Variants in S100B observed in about 807,000 individuals in gnomAD.
The protein encoded by S100B is protein S100-B.
In S100B, 6 loss-of-function variants were observed where a neutral mutation model predicts 7.7. That is an observed-to-expected ratio of 0.78 (90% CI 0.43 to 1.54). The LOEUF (loss-of-function observed/expected upper bound fraction) is 1.54, where lower values mean the gene tolerates loss of function less well. Ranked by LOEUF, S100B falls within the 40% of genes most tolerant of loss-of-function variation. S100B has a pLI of 0.01. For synonymous variants in S100B, 36 were observed against 40.4 expected, an observed-to-expected ratio of 0.89 and a Z score of 0.41; for missense variants, 99 against 111.8, an observed-to-expected ratio of 0.89 and a Z score of 0.52.
chr21:46,603,325 G>A (rs2148944717), intron 1 of S100B, among the ~76,000 whole-genome samples: 1 of 141,572 alleles, frequency 7.1e-6, no homozygotes, highest in South Asian at 2.4e-4. Context: ...CTGAGCTGCT[G>A]AGCCTGCATT....
rs561711720 is a variant in S100B, at chr21:46,600,726, T to C, written c.139-1223A>G. Among the ~76,000 whole-genome samples the C allele has an allele frequency of 4.6e-5, 7 of 152,326 alleles. No homozygotes were observed. In the South Asian group the frequency reaches 1.5e-3, roughly 32 times the overall value. ...AATGTTTGTGATGCCTTGAAATGCTTACCATGAATTATTTATCATTTACAA... is the reference window on the plus strand; with the variant it reads ...AATGTTTGTGATGCCTTGAAATGCTCACCATGAATTATTTATCATTTACAA... On this transcript the variant is annotated intron_variant, in intron 2 of 2. Transcript: ENST00000291700.
chr21:46,602,364 A>G lies in S100B; in HGVS notation c.52T>C (p.Tyr18His). ...MVALIDVFHQ[Y>H]SGREGDKHKL... ...TGCTTGTCTCCCTCCCTTCCAGAAT[A>G]TTGGTGGAAAACGTCGATGAGGGCC... Residue 18 changes from tyrosine (Y) to histidine (H), a missense_variant, in exon 2 of 3, where the codon TAT becomes CAT. Physicochemically the swap from Tyr to His is moderately conservative, Grantham distance 83. Coordinates refer to ENST00000291700, the MANE Select transcript of S100B (RefSeq NM_006272.3). 6.2e-7 allele frequency: 1 copy of G among 1,614,034 alleles called. No homozygotes were observed. Among genetic ancestry groups the G allele is most frequent in the Non-Finnish European group, 8.5e-7 (1 of 1,179,950 alleles).
Position 46,598,640 on chromosome 21 carries a change from C to G in S100B, c.*723G>C, listed in dbSNP as rs539135701. 1.6e-3 allele frequency among the ~76,000 whole-genome samples: 246 copies of G among 152,358 alleles called. 8 individuals carry two copies. In the South Asian group the frequency reaches 0.049, roughly 30 times the overall value. On this transcript the variant is annotated 3_prime_UTR_variant, in exon 3 of 3. Transcript: ENST00000291700. ...GCTCTTTTTATTGAACGCAGGCCCTCGCGGTGGCTCAGAGCCCCCGGTAGT... is the reference window on the plus strand; with the variant it reads ...GCTCTTTTTATTGAACGCAGGCCCTGGCGGTGGCTCAGAGCCCCCGGTAGT...
At chr21:46,603,961 ATGTG>A (rs746558425) in intron 1 of S100B, among the ~76,000 whole-genome samples, 18 of 152,158 alleles carry the variant, frequency 1.2e-4, no homozygotes, top group Non-Finnish European at 2.5e-4. Context: ...GCATGTTTGT[ATGTG>A]TGTGTATTTT....
intron 1 of S100B, among the ~76,000 whole-genome samples, chr21:46,603,398 T>TGGGGGGCGGGGGGGGC: frequency 1.9e-5 from 1 of 52,070 alleles, no homozygotes; most frequent in African/African-American, 7.1e-5. Context: ...CGGGAGGGGG[T>TGGGGGGCGGGGGGGGC]GGGGGCAGGA....
chr21:46,600,420 C>A, intron 2 of S100B: 1 of 421,260 alleles, frequency 2.4e-6, no homozygotes, highest in Admixed American at 2.6e-5. Context: ...GGTCCATGTG[C>A]CCGTATTCCC....
rs2061033260 is a variant in S100B, at chr21:46,598,840, GATC to G, written c.*520_*522del. The G allele has an allele frequency of 6.5e-6, 1 of 153,290 alleles. No homozygotes were observed. Among genetic ancestry groups the G allele is most frequent in the Admixed American group, 6.5e-5 (1 of 15,336 alleles). The allele number at this position is 153,290 out of a possible 1,614,324, so 9.5% of individuals were successfully genotyped here. A position where few individuals can be genotyped will look rare whatever the true frequency, so the allele number is the denominator to read the frequency against. On this transcript the variant is annotated 3_prime_UTR_variant, in exon 3 of 3. Transcript: ENST00000291700. Reference sequence around the variant, plus strand: ...TGCCAGCGCTGAGCGTTCACCTGGTGATCAGGCGCATCCCGGGAAGCAGGCCGA... The same window carrying G: ...TGCCAGCGCTGAGCGTTCACCTGGTGAGGCGCATCCCGGGAAGCAGGCCGA...
chr21:46,603,398 T>TGGGGGGGGC, intron 1 of S100B, among the ~76,000 whole-genome samples: 1 of 52,070 alleles, frequency 1.9e-5, no homozygotes, highest in African/African-American at 7.1e-5. Context: ...CGGGAGGGGG[T>TGGGGGGGGC]GGGGGCAGGA....
At chr21:46,603,392 A>AGGAGGGGGCGGG (rs1555923742) in intron 1 of S100B, among the ~76,000 whole-genome samples, 1 of 38,206 alleles carries the variant, frequency 2.6e-5, no homozygotes, top group African/African-American at 1.0e-4. Flanking sequence ...GGACGGCGGG[A>AGGAGGGGGCGGG]GGGGGTGGGG....
intron 1 of S100B, among the ~76,000 whole-genome samples, chr21:46,603,392 A>AGGGGGGGGCAGG (rs1555923741): frequency 2.6e-5 from 1 of 38,206 alleles, no homozygotes; most frequent in Non-Finnish European, 4.9e-5. Flanking sequence ...GGACGGCGGG[A>AGGGGGGGGCAGG]GGGGGTGGGG....
At chr21:46,602,613 C>G (rs77333632) in intron 1 of S100B, 197 bp from the exon 2 acceptor site, 16,068 of 526,770 alleles carry the variant, frequency 0.031, 1,106 homozygotes, top group African/African-American at 0.19. Context: ...CCACCGGCCT[C>G]TTAGACAGCT....
At chr21:46,599,583 A>ACT in intron 2 of S100B, 80 bp from the exon 3 acceptor site, 1 of 1,253,252 alleles carries the variant, frequency 8.0e-7, no homozygotes, top group East Asian at 2.3e-5. Context: ...AAGTTGAGTG[A>ACT]CTCTGATAAT....
intron 1 of S100B, among the ~76,000 whole-genome samples, chr21:46,604,493 A>G (rs1373118572): frequency 2.0e-5 from 3 of 152,178 alleles, no homozygotes; most frequent in African/African-American, 7.2e-5. Flanking sequence ...TTGTTACGTA[A>G]TTTCTGAGTG....
chr21:46,599,112 G>A lies in S100B; in HGVS notation c.*251C>T, dbSNP rs749873574. ...TTTATCACTGAGACCTGACTCCTAAGTTACTGTTAACAAGAGTCCCTGGGG... is the reference window on the plus strand; with the variant it reads ...TTTATCACTGAGACCTGACTCCTAAATTACTGTTAACAAGAGTCCCTGGGG... On this transcript the variant is annotated 3_prime_UTR_variant, in exon 3 of 3. Coordinates refer to ENST00000291700, the MANE Select transcript of S100B (RefSeq NM_006272.3). The A allele has an allele frequency of 1.4e-5, 7 of 513,500 alleles. No individual in the cohort carries two copies. Among genetic ancestry groups the A allele is most frequent in the Admixed American group, 3.7e-5 (1 of 26,752 alleles). 31.8% of individuals were successfully genotyped at this position (513,500 alleles called of 1,614,324 possible). A position where few individuals can be genotyped will look rare whatever the true frequency, so the allele number is the denominator to read the frequency against.
Position 46,599,307 on chromosome 21 carries a change from T to C in S100B, c.*56A>G. The stretch of plus-strand genomic sequence containing the variant: ...CCTACTAGGCTGCAAGCCCTTGCTG[T>C]CTGCTTTCTTGCATGACCGTCTCTG... On this transcript the variant is annotated 3_prime_UTR_variant, in exon 3 of 3. Coordinates refer to ENST00000291700, the MANE Select transcript of S100B (RefSeq NM_006272.3). The C allele has an allele frequency of 3.2e-6, 5 of 1,547,882 alleles. No individual in the cohort carries two copies. Among genetic ancestry groups the C allele is most frequent in the Admixed American group, 1.8e-5 (1 of 55,958 alleles).
rs796474856 is a variant in S100B at position 46,603,392 on chromosome 21, A to AGGGGGTGGGGGGTGGGGGGGGCGGGGGGG, written c.-1-977_-1-976insCCCCCCCGCCCCCCCCACCCCCCACCCCC. 2.2e-3 allele frequency among the ~76,000 whole-genome samples: 83 copies of AGGGGGTGGGGGGTGGGGGGGGCGGGGGGG among 38,222 alleles called. 1 individual carries two copies. The highest frequency in any genetic ancestry group is 4.5e-3 in the South Asian group (3 of 672). The allele number at this position is 38,222 out of a possible 152,430, so 25.1% of individuals were successfully genotyped here. A position where few individuals can be genotyped will look rare whatever the true frequency, so the allele number is the denominator to read the frequency against. The stretch of plus-strand genomic sequence containing the variant: ...TCACTGCAGTGACTGGGACGGCGGG[A>AGGGGGTGGGGGGTGGGGGGGGCGGGGGGG]GGGGGTGGGGGCAGGAATAGGTGTT... On this transcript the variant is annotated intron_variant, in intron 1 of 2. Transcript: ENST00000291700.
chr21:46,604,514 G>T (rs573224930), intron 1 of S100B, among the ~76,000 whole-genome samples: 13 of 152,296 alleles, frequency 8.5e-5, no homozygotes, highest in Non-Finnish European at 1.5e-4. Context: ...GCGTCCTGGG[G>T]CTGTGGGGAC....
At chr21:46,603,392 A>AGGGGGGGGGGGGGGGGGGGGGCGGGG (rs1555923741) in intron 1 of S100B, among the ~76,000 whole-genome samples, 1 of 38,206 alleles carries the variant, frequency 2.6e-5, no homozygotes, top group Non-Finnish European at 4.9e-5. Context: ...GGACGGCGGG[A>AGGGGGGGGGGGGGGGGGGGGGCGGGG]GGGGGTGGGG....
chr21:46,602,186 C>T (rs1056309490), intron 2 of S100B, 92 bp downstream of exon 2: 4 of 1,205,654 alleles, frequency 3.3e-6, no homozygotes, highest in Non-Finnish European at 4.7e-6. Context: ...GAAATGAAAT[C>T]ACCTTCAGGG....
Sources: allele counts gnomAD v4.1 joint callset (sites outside exome capture counted in the v4.1 genomes callset), GRCh38; gene constraint gnomAD v4.1.1; transcripts MANE v1.5; gene names NCBI Gene and HGNC (gene_info 2026-07-23, HGNC 2026-07-21).